PDZRN4: variants seen among roughly 807,000 people sequenced by gnomAD.
The protein encoded by PDZRN4 is PDZ domain containing ring finger 4.
Under a neutral mutation model 99.0 loss-of-function variants are expected in PDZRN4, and 70 were observed. The observed-to-expected ratio is 0.71, with a 90% CI of 0.58 to 0.86. The LOEUF (loss-of-function observed/expected upper bound fraction) is 0.86, where lower values mean the gene tolerates loss of function less well. Ranked by LOEUF, PDZRN4 falls within the 40% of genes least tolerant of loss-of-function variation. The probability of loss-of-function intolerance (pLI) is 0.00; values close to 1 mark genes in which losing one functional copy is unlikely to be tolerated. For missense variants in PDZRN4, 1,474 were observed against 1,331.2 expected (o/e 1.11, Z -1.67); for synonymous variants, 551 against 501.6 (o/e 1.10, Z -1.32).
At chr12:41,249,154 G>A (rs1951152576) in intron 3 of PDZRN4, among the ~76,000 whole-genome samples, 1 of 152,146 alleles carries the variant, frequency 6.6e-6, no homozygotes, top group Non-Finnish European at 1.5e-5. Flanking sequence ...TAGAGAATCA[G>A]TTTCAAAAAG....
intron 3 of PDZRN4, among the ~76,000 whole-genome samples, chr12:41,396,263 C>T (rs1870287): frequency 0.53 from 79,830 of 151,816 alleles, 21,764 homozygotes; most frequent in African/African-American, 0.7. Context: ...TACCTTACTT[C>T]CCTGAAAATT....
intron 3 of PDZRN4, among the ~76,000 whole-genome samples, chr12:41,280,111 G>T (rs575675795): frequency 6.6e-6 from 1 of 152,172 alleles, no homozygotes; most frequent in East Asian, 1.9e-4. Context: ...AGCACAAGGG[G>T]TCAGAAAAAT....
chr12:41,188,584 G>T lies in PDZRN4; in HGVS notation c.129G>T (p.Leu43Phe). Residue 43 changes from leucine (L) to phenylalanine (F), a missense_variant, in exon 1 of 10, where the codon TTG (leucine) becomes TTT (phenylalanine). Coordinates refer to ENST00000402685, the MANE Select transcript of PDZRN4 (RefSeq NM_001164595.2). ...CGHVFCASCL[L>F]PWAVRRRRCP... ...ACGTCTTCTGCGCCAGCTGCCTGTTGCCCTGGGCGGTGCGGAGGCGCCGGT... is the reference window on the plus strand; with the variant it reads ...ACGTCTTCTGCGCCAGCTGCCTGTTTCCCTGGGCGGTGCGGAGGCGCCGGT... The T allele has an allele frequency of 6.5e-7, 1 of 1,543,918 alleles. No individual in the cohort carries two copies. The highest frequency in any genetic ancestry group is 8.7e-7 in the Non-Finnish European group (1 of 1,151,652).
chr12:41,257,320 G>A (rs538410016), intron 3 of PDZRN4, among the ~76,000 whole-genome samples: 2 of 152,290 alleles, frequency 1.3e-5, no homozygotes, highest in Admixed American at 6.5e-5. Context: ...TTCCTCACAT[G>A]GTGGAAGAGG....
intron 3 of PDZRN4, among the ~76,000 whole-genome samples, chr12:41,379,341 A>C (rs1267290462): frequency 4.8e-5 from 7 of 146,118 alleles, no homozygotes; most frequent in African/African-American, 1.8e-4. Context: ...TGACCTTTTC[A>C]ATTGTTTTTC....
intron 7 of PDZRN4, among the ~76,000 whole-genome samples, chr12:41,556,011 A>G (rs1309779699): frequency 6.6e-6 from 1 of 152,094 alleles, no homozygotes; most frequent in African/African-American, 2.4e-5. Flanking sequence ...TTCCAGCTTC[A>G]CCATTTGCTT....
At chr12:41,536,558 C>T (rs1938751427) in intron 5 of PDZRN4, among the ~76,000 whole-genome samples, 1 of 151,858 alleles carries the variant, frequency 6.6e-6, no homozygotes, top group Admixed American at 6.6e-5. Flanking sequence ...AAGAGTGAAC[C>T]CTAATATCAA....
At chr12:41,459,252 C>T (rs1387092133) in intron 3 of PDZRN4, among the ~76,000 whole-genome samples, 1 of 152,054 alleles carries the variant, frequency 6.6e-6, no homozygotes, top group Non-Finnish European at 1.5e-5. Context: ...ACCTTTTATA[C>T]CAACATTTCA....
At chr12:41,306,292 G>A (rs1565547114) in intron 3 of PDZRN4, among the ~76,000 whole-genome samples, 1 of 152,208 alleles carries the variant, frequency 6.6e-6, no homozygotes, top group Non-Finnish European at 1.5e-5. Context: ...CTGCCCCATG[G>A]CTTTGACCAG....
Position 41,552,701 on chromosome 12 carries a change from A to C in PDZRN4, c.1249A>C (p.Thr417Pro), listed in dbSNP as rs771785191. 1.9e-6 allele frequency: 3 copies of C among 1,613,772 alleles called. No individual in the cohort carries two copies. Among genetic ancestry groups the C allele is most frequent in the Non-Finnish European group, 2.5e-6 (3 of 1,179,824 alleles). Residue 417 changes from threonine to proline, a missense_variant, in exon 6 of 10, where the codon ACA (threonine) becomes CCA (proline). Physicochemically the swap from Thr to Pro is conservative, Grantham distance 38 (BLOSUM62 -1). Transcript: ENST00000402685. ...TAGCAGTCAAGAGAAGCTGGGCCTG[A>C]CAGTCTGTTACCGAACAGATGATGA... is the stretch of plus-strand genomic sequence containing the variant. ...RVSSQEKLGL[T>P]VCYRTDDEED...
chr12:41,415,063 G>A (rs1169853295), intron 3 of PDZRN4, among the ~76,000 whole-genome samples: 3 of 152,080 alleles, frequency 2.0e-5, no homozygotes, highest in Non-Finnish European at 4.4e-5. Context: ...CCTTAAGACA[G>A]CCAGGAATTC....
At chr12:41,571,368 TCTCTCTCTCACACACACA>T (rs1264137078) in intron 9 of PDZRN4, among the ~76,000 whole-genome samples, 42 of 96,930 alleles carry the variant, frequency 4.3e-4, no homozygotes, top group African/African-American at 1.8e-3. Flanking sequence ...TCTCTCTCTC[TCTCTCTCTCACACACACA>T]CACACACACA....
At chr12:41,328,723 C>T (rs966339842) in intron 3 of PDZRN4, among the ~76,000 whole-genome samples, 1 of 152,126 alleles carries the variant, frequency 6.6e-6, no homozygotes, top group East Asian at 1.9e-4. Context: ...TATTTCCATA[C>T]AGCAGTCTTC....
chr12:41,260,760 C>T (rs1951232753), intron 3 of PDZRN4, among the ~76,000 whole-genome samples: 1 of 152,028 alleles, frequency 6.6e-6, no homozygotes, highest in African/African-American at 2.4e-5. Context: ...CTTATATAAA[C>T]TTGTGTACAA....
intron 3 of PDZRN4, among the ~76,000 whole-genome samples, chr12:41,414,281 A>G (rs1952424571): frequency 1.3e-5 from 2 of 152,102 alleles, no homozygotes; most frequent in Admixed American, 1.3e-4. Flanking sequence ...TCTGATGACT[A>G]TATGCCTTGG....
chr12:41,249,181 A>G (rs1295995595), intron 3 of PDZRN4, among the ~76,000 whole-genome samples: 1 of 152,208 alleles, frequency 6.6e-6, no homozygotes, highest in Non-Finnish European at 1.5e-5. Context: ...ATAAGACTCA[A>G]TGTCTAAACA....
At chr12:41,463,991 C>A (rs1288430460) in intron 3 of PDZRN4, among the ~76,000 whole-genome samples, 2 of 152,170 alleles carry the variant, frequency 1.3e-5, no homozygotes, top group Non-Finnish European at 2.9e-5. Context: ...AGCTCTGGGG[C>A]ACACAGGATG....
intron 9 of PDZRN4, 133 bp from the exon 10 acceptor site, chr12:41,572,230 TG>T (rs141884163): frequency 0.011 from 7,193 of 675,560 alleles, 50 homozygotes; most frequent in Non-Finnish European, 0.013. Context: ...AAAATTGTGA[TG>T]GACCCTAAAT....
intron 3 of PDZRN4, among the ~76,000 whole-genome samples, chr12:41,280,238 G>C (rs112425242): frequency 0.02 from 3,107 of 152,164 alleles, 78 homozygotes; most frequent in African/African-American, 0.058. Flanking sequence ...AGATTCCCTC[G>C]GGTGCCTACA....
Sources: gnomAD v4.1 joint callset for allele counts (sites outside exome capture counted in the v4.1 genomes callset) on GRCh38, gnomAD v4.1.1 for gene constraint, MANE v1.5 for transcripts, NCBI Gene and HGNC (gene_info 2026-07-23, HGNC 2026-07-21) for gene names.